CSMD1: variants seen among roughly 807,000 people sequenced by gnomAD.
CSMD1 encodes the protein CUB and sushi domain-containing protein 1.
CSMD1 carries 213 observed loss-of-function variants against 417.5 expected under a neutral mutation model. The observed-to-expected ratio is 0.51, with a 90% CI of 0.46 to 0.57. CSMD1 has a LOEUF of 0.57. Ranked by LOEUF, CSMD1 falls within the 20% of genes least tolerant of loss-of-function variation. The pLI, the probability that CSMD1 is intolerant of heterozygous loss-of-function variation, is 0.00. For missense variants in CSMD1, 6,923 were observed against 4,529.7 expected (o/e 1.53, Z -15.17); for synonymous variants, 2,862 against 1,736.8 (o/e 1.65, Z -16.11).
At chr8:4,362,494 C>A (rs1395924023) in intron 3 of CSMD1, among the ~76,000 whole-genome samples, 1 of 152,156 alleles carries the variant, frequency 6.6e-6, no homozygotes, top group Non-Finnish European at 1.5e-5. Context: ...GAGAACTCTT[C>A]CTCATTTGTC....
At chr8:4,147,388 C>T (rs897339691) in intron 3 of CSMD1, among the ~76,000 whole-genome samples, 9 of 152,118 alleles carry the variant, frequency 5.9e-5, no homozygotes, top group Non-Finnish European at 1.3e-4. Flanking sequence ...CTCCTCCACA[C>T]TGCCTTCCCC....
chr8:4,441,471 A>G (rs1212245240), intron 2 of CSMD1, among the ~76,000 whole-genome samples: 2 of 151,990 alleles, frequency 1.3e-5, no homozygotes, highest in Non-Finnish European at 2.9e-5. Flanking sequence ...ATGTTTTATT[A>G]GGAGTTAGAC....
intron 5 of CSMD1, among the ~76,000 whole-genome samples, chr8:3,902,035 G>A (rs1389409456): frequency 6.6e-6 from 1 of 151,810 alleles, no homozygotes; most frequent in Non-Finnish European, 1.5e-5. Flanking sequence ...ATTATACGTT[G>A]TTCTTCTTTT....
At chr8:3,897,944 T>A (rs1007459482) in intron 5 of CSMD1, among the ~76,000 whole-genome samples, 4 of 152,186 alleles carry the variant, frequency 2.6e-5, no homozygotes, top group Non-Finnish European at 5.9e-5. Flanking sequence ...AGTTATATAA[T>A]CACCAAATGA....
chr8:3,015,916 G>T (rs1431923080), intron 52 of CSMD1, among the ~76,000 whole-genome samples: 1 of 152,142 alleles, frequency 6.6e-6, no homozygotes, highest in Non-Finnish European at 1.5e-5. Context: ...AAAGACCCTT[G>T]CACCTGCCCC....
In CSMD1 at chr8:4,081,699, T is replaced by G. The variant is rs186355550; in HGVS notation, c.416-49600A>C. The stretch of plus-strand genomic sequence containing the variant: ...CTCAATGAAGTCCAAAACATTTAAA[T>G]TCTAAAAAGTATTTTCTCTGACCAA... On this transcript the variant is annotated intron_variant, in intron 3 of 69. Transcript: ENST00000635120. Among the ~76,000 whole-genome samples, 16 of 152,302 alleles carry G rather than the reference T, an allele frequency of 1.1e-4. No individual in the cohort carries two copies. The East Asian group carries it at 2.5e-3, about 24-fold the overall frequency.
At chr8:4,095,362 G>A (rs1800948873) in intron 3 of CSMD1, among the ~76,000 whole-genome samples, 1 of 151,822 alleles carries the variant, frequency 6.6e-6, no homozygotes, top group Non-Finnish European at 1.5e-5. Flanking sequence ...GGTTGTATGT[G>A]GCTGATGTAG....
At chr8:4,113,882 T>TA (rs146583602) in intron 3 of CSMD1, among the ~76,000 whole-genome samples, 2 of 152,134 alleles carry the variant, frequency 1.3e-5, no homozygotes, top group East Asian at 3.9e-4. Context: ...CTGAGAGAGG[T>TA]AAGGAAGTTG....
At chr8:3,206,405 TTATGTC>T (rs1797267208) in intron 30 of CSMD1, among the ~76,000 whole-genome samples, 1 of 90,428 alleles carries the variant, frequency 1.1e-5, no homozygotes, top group African/African-American at 4.3e-5. Flanking sequence ...GTGTGGGGGG[TTATGTC>T]TGTGTGTGTA....
intron 1 of CSMD1, among the ~76,000 whole-genome samples, chr8:4,924,621 C>G (rs761047907): frequency 2.8e-5 from 4 of 141,822 alleles, no homozygotes; most frequent in Non-Finnish European, 4.5e-5. Context: ...ACTCAGGAGG[C>G]TGAGACAAGA....
intron 12 of CSMD1, among the ~76,000 whole-genome samples, chr8:3,432,203 G>T (rs915616295): frequency 1.3e-5 from 2 of 152,064 alleles, no homozygotes; most frequent in African/African-American, 2.4e-5. Context: ...AGAGGCATGG[G>T]TAGAGAACTG....
chr8:3,672,785 G>C (rs529315223), intron 7 of CSMD1, among the ~76,000 whole-genome samples: 2 of 152,228 alleles, frequency 1.3e-5, no homozygotes, highest in African/African-American at 4.8e-5. Flanking sequence ...CTCTTCTCCT[G>C]GGAGAACCCT....
chr8:3,306,961 T>C (rs1317478903), intron 25 of CSMD1, among the ~76,000 whole-genome samples: 1 of 152,160 alleles, frequency 6.6e-6, no homozygotes, highest in Non-Finnish European at 1.5e-5. Context: ...TTTTCTGAAA[T>C]TTGCAATGAT....
chr8:3,862,562 T>G (rs1275494085), intron 5 of CSMD1, among the ~76,000 whole-genome samples: 2 of 152,236 alleles, frequency 1.3e-5, no homozygotes, highest in Non-Finnish European at 2.9e-5. Context: ...TCAGCACCTG[T>G]AATTATGGTA....
chr8:4,313,151 G>C (rs924787822), intron 3 of CSMD1, among the ~76,000 whole-genome samples: 1 of 152,040 alleles, frequency 6.6e-6, no homozygotes, highest in Non-Finnish European at 1.5e-5. Flanking sequence ...AGCTGGAACT[G>C]GTCTTTAATT....
At chr8:4,195,393 A>G (rs1799272369) in intron 3 of CSMD1, among the ~76,000 whole-genome samples, 1 of 152,188 alleles carries the variant, frequency 6.6e-6, no homozygotes, top group East Asian at 1.9e-4. Context: ...TTAAAATTAT[A>G]AAATCTGTTT....
intron 2 of CSMD1, among the ~76,000 whole-genome samples, chr8:4,632,054 G>A (rs1330979788): frequency 6.6e-6 from 1 of 152,172 alleles, no homozygotes; most frequent in African/African-American, 2.4e-5. Flanking sequence ...TTTGGGACAA[G>A]TAAATAAAAC....
chr8:4,959,027 T>TATATGCTATATAGTATATATAG, intron 1 of CSMD1, among the ~76,000 whole-genome samples: 1 of 152,332 alleles, frequency 6.6e-6, no homozygotes, highest in East Asian at 1.9e-4. Flanking sequence ...ACTGAGATTA[T>TATATGCTATATAGTATATATAG]CAAGCCATGC....
chr8:4,400,164 A>G (rs1296129028), intron 3 of CSMD1, among the ~76,000 whole-genome samples: 5 of 152,202 alleles, frequency 3.3e-5, no homozygotes, highest in Non-Finnish European at 7.3e-5. Flanking sequence ...TGGTTAGGGA[A>G]GTAATTACTG....
Sources: gnomAD v4.1 joint callset for allele counts (sites outside exome capture counted in the v4.1 genomes callset) on GRCh38, gnomAD v4.1.1 for gene constraint, MANE v1.5 for transcripts, NCBI Gene and HGNC (gene_info 2026-07-23, HGNC 2026-07-21) for gene names.